CELF4: variants seen among roughly 807,000 people sequenced by gnomAD.
The protein encoded by CELF4 is CUG-BP- and ETR-3-like factor 4.
CELF4 carries 18 observed loss-of-function variants against 59.9 expected under a neutral mutation model. The ratio of observed to expected loss-of-function variants is 0.30; its 90% CI spans 0.21 to 0.45. The LOEUF (loss-of-function observed/expected upper bound fraction) is 0.45. Among genes scored for constraint, CELF4 ranks in the 20% least tolerant of loss-of-function variants. The pLI is 1.00. For missense variants in CELF4, 456 were observed against 689.0 expected, an observed-to-expected ratio of 0.66 and a Z score of 3.79; for synonymous variants, 261 against 267.1, an observed-to-expected ratio of 0.98 and a Z score of 0.22.
chr18:37,353,175 T>G (rs977392316), intron 2 of CELF4, among the ~76,000 whole-genome samples: 6 of 142,126 alleles, frequency 4.2e-5, no homozygotes, highest in African/African-American at 1.3e-4. Flanking sequence ...GAGCCGAGAT[T>G]GCGCCACTGC....
At chr18:37,348,769 C>T (rs1432484052) in intron 2 of CELF4, among the ~76,000 whole-genome samples, 1 of 152,204 alleles carries the variant, frequency 6.6e-6, no homozygotes, top group Non-Finnish European at 1.5e-5. Flanking sequence ...TCCTTTCCTC[C>T]TTTTCTTCCA....
intron 11 of CELF4, among the ~76,000 whole-genome samples, chr18:37,255,337 C>G (rs751332950): frequency 7.2e-5 from 11 of 151,946 alleles, no homozygotes; most frequent in Admixed American, 2.0e-4. Flanking sequence ...GGTTCTTTTT[C>G]CCTCTTTCCC....
intron 2 of CELF4, among the ~76,000 whole-genome samples, chr18:37,447,181 C>T (rs907927666): frequency 7.9e-5 from 12 of 152,196 alleles, no homozygotes; most frequent in Admixed American, 1.3e-4. Context: ...GTGCAGCCAA[C>T]GGGCCAAGGG....
intron 2 of CELF4, among the ~76,000 whole-genome samples, chr18:37,428,354 G>A (rs2099627232): frequency 6.6e-6 from 1 of 152,040 alleles, no homozygotes; most frequent in Admixed American, 6.5e-5. Flanking sequence ...TGACATTTGG[G>A]TCATGATCCA....
rs1385320421 is a variant in CELF4, at chr18:37,407,219, C to T, written c.369+78306G>A. On this transcript the variant is annotated intron_variant, in intron 2 of 12. Coordinates refer to ENST00000420428, the MANE Select transcript of CELF4 (RefSeq NM_020180.4). The stretch of plus-strand genomic sequence containing the variant: ...GCACCAGTGTACATAAAGTTGGGCA[C>T]ACGGGAAACTCTCCGAAAACATTGT... Among the ~76,000 whole-genome samples, 4 of 152,134 alleles carry T rather than the reference C, an allele frequency of 2.6e-5. No homozygotes were observed. In the East Asian group the frequency reaches 7.7e-4, roughly 29 times the overall value.
chr18:37,374,460 C>T (rs900500850), intron 2 of CELF4, among the ~76,000 whole-genome samples: 1 of 152,208 alleles, frequency 6.6e-6, no homozygotes, highest in Non-Finnish European at 1.5e-5. Flanking sequence ...GCCCACTCCT[C>T]TCTGATCCGT....
intron 2 of CELF4, among the ~76,000 whole-genome samples, chr18:37,338,694 CAAAAT>C (rs1410502363): frequency 6.6e-6 from 1 of 151,534 alleles, no homozygotes; most frequent in Admixed American, 6.6e-5. Context: ...GACCTGAACT[CAAAAT>C]AAAAGATTTT....
intron 2 of CELF4, among the ~76,000 whole-genome samples, chr18:37,448,356 C>A (rs1250629598): frequency 6.6e-6 from 1 of 152,240 alleles, no homozygotes. Flanking sequence ...CTACCAGTCA[C>A]CAGTCCTCTG....
rs1603427179 is a variant in CELF4 at position 37,306,214 on chromosome 18, C to T, written c.448+15589G>A. The T allele has an allele frequency of 2.6e-5, 4 of 152,256 alleles. 1 individual carries two copies. The South Asian group carries it at 8.3e-4, about 32-fold the overall frequency. The allele number at this position is 152,256 out of a possible 1,614,324, so 9.4% of individuals were successfully genotyped here. ...GAGACTGTCAGGCAGTCCCTGAGGA[C>T]TGACTGTCAAGCCCTGGGGCAGAGG... On this transcript the variant is annotated intron_variant, in intron 3 of 12. Coordinates refer to ENST00000420428, the MANE Select transcript of CELF4 (RefSeq NM_020180.4).
intron 2 of CELF4, among the ~76,000 whole-genome samples, chr18:37,453,908 G>A (rs2099771037): frequency 6.6e-6 from 1 of 152,120 alleles, no homozygotes; most frequent in Non-Finnish European, 1.5e-5. Flanking sequence ...ACAGGCAGCA[G>A]CTGGTTTTCT....
intron 3 of CELF4, among the ~76,000 whole-genome samples, chr18:37,309,973 T>G (rs1455443879): frequency 6.6e-6 from 1 of 151,510 alleles, no homozygotes; most frequent in Non-Finnish European, 1.5e-5. Context: ...ATTCACATGC[T>G]CAATATAGCT....
chr18:37,275,745 C>G (rs1365381867), intron 3 of CELF4: 1 of 157,210 alleles, frequency 6.4e-6, no homozygotes, highest in African/African-American at 2.4e-5. Flanking sequence ...TCCTCTTCTT[C>G]TAGGTCTCAG....
chr18:37,274,778 C>T, intron 5 of CELF4, 27 bp downstream of exon 5: 1 of 1,552,352 alleles, frequency 6.4e-7, no homozygotes, highest in Non-Finnish European at 8.7e-7. Flanking sequence ...GCTGCCCTCG[C>T]CCCCGCCCCA....
chr18:37,423,921 C>T (rs934075035), intron 2 of CELF4, among the ~76,000 whole-genome samples: 7 of 151,984 alleles, frequency 4.6e-5, no homozygotes, highest in Admixed American at 2.6e-4. Context: ...TACACCATGC[C>T]ATCTCTTCCT....
chr18:37,547,191 A>AT (rs1697191619), intron 1 of CELF4, among the ~76,000 whole-genome samples: 1 of 71,694 alleles, frequency 1.4e-5, no homozygotes, highest in South Asian at 5.6e-4. Flanking sequence ...GTGTGTGTGT[A>AT]TTCTCTTAAT....
At chr18:37,452,672 C>T (rs897913317) in intron 2 of CELF4, among the ~76,000 whole-genome samples, 1 of 152,168 alleles carries the variant, frequency 6.6e-6, no homozygotes, top group Non-Finnish European at 1.5e-5. Flanking sequence ...AGGAATCATC[C>T]TCTTTCTCTT....
chr18:37,499,931 C>A (rs1390176767), intron 1 of CELF4, among the ~76,000 whole-genome samples: 2 of 152,126 alleles, frequency 1.3e-5, no homozygotes, highest in Non-Finnish European at 2.9e-5. Flanking sequence ...TTTTACACAC[C>A]AGGGAAAGGA....
chr18:37,434,056 G>T (rs2099680462), intron 2 of CELF4, among the ~76,000 whole-genome samples: 1 of 152,242 alleles, frequency 6.6e-6, no homozygotes. Context: ...GGTGCCAAGG[G>T]CCGGACTAAC....
intron 1 of CELF4, among the ~76,000 whole-genome samples, chr18:37,530,635 G>A (rs1034787766): frequency 4.6e-5 from 7 of 152,132 alleles, no homozygotes; most frequent in Admixed American, 4.6e-4. Context: ...TGGGGTAGGG[G>A]TCACATTTGC....
Sources: gnomAD v4.1 joint callset for allele counts (sites outside exome capture counted in the v4.1 genomes callset) on GRCh38, gnomAD v4.1.1 for gene constraint, MANE v1.5 for transcripts, NCBI Gene and HGNC (gene_info 2026-07-23, HGNC 2026-07-21) for gene names.